PCDH15: variants seen among roughly 807,000 people sequenced by gnomAD.
PCDH15 encodes the protein protocadherin-15.
In PCDH15, 129 loss-of-function variants were observed where a neutral mutation model predicts 178.5. The ratio of observed to expected loss-of-function variants is 0.72; its 90% CI spans 0.63 to 0.84. The LOEUF is 0.84. PCDH15 is among the 40% of genes least tolerant of loss of function. The pLI is 0.00. For synonymous variants in PCDH15, 800 were observed against 732.0 expected, an observed-to-expected ratio of 1.09 and a Z score of -1.50; for missense variants, 2,230 against 2,099.9, an observed-to-expected ratio of 1.06 and a Z score of -1.21.
intron 2 of PCDH15, among the ~76,000 whole-genome samples, chr10:55,010,778 C>T (rs1444193798): frequency 6.8e-6 from 1 of 146,910 alleles, no homozygotes; most frequent in Non-Finnish European, 1.5e-5. Flanking sequence ...CCTGCATTTG[C>T]CATGCATAAA....
chr10:55,397,758 G>C (rs1023448314), intron 2 of PCDH15, among the ~76,000 whole-genome samples: 1 of 151,388 alleles, frequency 6.6e-6, no homozygotes. Context: ...GCTAATTTTT[G>C]TATTTCTAGT....
At chr10:53,965,208 C>T (rs907340234) in intron 21 of PCDH15, among the ~76,000 whole-genome samples, 5 of 151,984 alleles carry the variant, frequency 3.3e-5, no homozygotes, top group Non-Finnish European at 5.9e-5. Context: ...CACGAGCCCG[C>T]CACCATGCCC....
chr10:54,909,961 G>A lies in PCDH15; in HGVS notation c.-79-12461C>T, dbSNP rs141829502. Among the ~76,000 whole-genome samples the A allele has an allele frequency of 9.8e-3, 1,489 of 152,216 alleles. 19 individuals are homozygous for A. Among genetic ancestry groups the A allele is most frequent in the African/African-American group, 0.033 (1,365 of 41,530 alleles). The stretch of plus-strand genomic sequence containing the variant: ...TGGGGACTGTCCTTCTCTTCTCCCC[G>A]TTTTCCTGGTGGTGCCTTCAGCTGG... On this transcript the variant is annotated intron_variant, in intron 2 of 5. Coordinates refer to the PCDH15 transcript ENST00000458638.
chr10:55,243,022 G>C (rs887864121), intron 1 of PCDH15, among the ~76,000 whole-genome samples: 2 of 152,100 alleles, frequency 1.3e-5, no homozygotes, highest in African/African-American at 4.8e-5. Flanking sequence ...ATGGAATAGA[G>C]ACCTTACAGA....
chr10:55,332,217 C>G (rs1168192257), intron 2 of PCDH15, among the ~76,000 whole-genome samples: 1 of 151,908 alleles, frequency 6.6e-6, no homozygotes, highest in Non-Finnish European at 1.5e-5. Flanking sequence ...AGATATATGT[C>G]TTTTATATAA....
At chr10:54,357,854 A>C (rs1945290740) in intron 5 of PCDH15, among the ~76,000 whole-genome samples, 1 of 152,220 alleles carries the variant, frequency 6.6e-6, no homozygotes, top group East Asian at 1.9e-4. Flanking sequence ...CTCAGAAATA[A>C]CACCACATAT....
chr10:55,517,130 A>AT (rs1318089017), intron 2 of PCDH15, among the ~76,000 whole-genome samples: 14 of 152,102 alleles, frequency 9.2e-5, no homozygotes, highest in African/African-American at 3.4e-4. Context: ...AAAAAAAGTA[A>AT]TTTAACATGA....
At chr10:53,888,310 G>GTATA (rs1554845230) in intron 26 of PCDH15, among the ~76,000 whole-genome samples, 22 of 28,686 alleles carry the variant, frequency 7.7e-4, no homozygotes, top group South Asian at 1.8e-3. Flanking sequence ...ATATATATAT[G>GTATA]TATATATGTA....
Position 54,307,100 on chromosome 10 carries a change from GTGTGTATATATATATA to G in PCDH15, c.876+10155_876+10170del, listed in dbSNP as rs2060580811. 2.3e-3 allele frequency among the ~76,000 whole-genome samples: 36 copies of G among 15,526 alleles called. 2 individuals are homozygous for G. The highest frequency in any genetic ancestry group is 0.059 in the Middle Eastern group (2 of 34). 10.2% of individuals were successfully genotyped at this position (15,526 alleles called of 152,430 possible). Reference sequence around the variant, plus strand: ...TATATACATATATATATATGTGTGTGTGTGTATATATATATATATATATATATATATATATATATAT... The same window carrying G: ...TATATACATATATATATATGTGTGTGTATATATATATATATATATATATAT... On this transcript the variant is annotated intron_variant, in intron 8 of 37. Transcript: ENST00000644397.
At chr10:55,581,272 CTAAG>C (rs1028507435) in intron 2 of PCDH15, among the ~76,000 whole-genome samples, 24 of 151,726 alleles carry the variant, frequency 1.6e-4, no homozygotes, top group African/African-American at 4.6e-4. Flanking sequence ...AATTTTTGAA[CTAAG>C]TAATAGCAAA....
chr10:54,327,642 C>G (rs1468395132), intron 7 of PCDH15, among the ~76,000 whole-genome samples: 1 of 151,840 alleles, frequency 6.6e-6, no homozygotes, highest in African/African-American at 2.4e-5. Context: ...CTAAGAAAGG[C>G]AAGAAAATGA....
intron 2 of PCDH15, among the ~76,000 whole-genome samples, chr10:55,025,101 T>C (rs768299746): frequency 2.0e-5 from 3 of 152,288 alleles, no homozygotes; most frequent in Non-Finnish European, 4.4e-5. Context: ...ATGTCTCTTT[T>C]CATACATTAT....
chr10:55,264,159 T>G (rs1466275124), intron 1 of PCDH15, among the ~76,000 whole-genome samples: 1 of 152,140 alleles, frequency 6.6e-6, no homozygotes, highest in Non-Finnish European at 1.5e-5. Flanking sequence ...TGAGACACTC[T>G]AAATGGATAA....
intron 2 of PCDH15, among the ~76,000 whole-genome samples, chr10:55,022,856 G>A (rs985214908): frequency 2.3e-4 from 35 of 150,922 alleles, no homozygotes; most frequent in South Asian, 8.4e-4. Flanking sequence ...GACTACAGGC[G>A]CCCGCCACCA....
intron 3 of PCDH15, among the ~76,000 whole-genome samples, chr10:54,400,085 C>G (rs1008568858): frequency 2.6e-4 from 40 of 152,000 alleles, no homozygotes; most frequent in Admixed American, 2.6e-3. Flanking sequence ...GGGATGCCTA[C>G]AAAAGGATAT....
intron 30 of PCDH15, among the ~76,000 whole-genome samples, chr10:53,830,779 C>T (rs2076969009): frequency 6.6e-6 from 1 of 152,180 alleles, no homozygotes; most frequent in Non-Finnish European, 1.5e-5. Context: ...AAAACTCTGG[C>T]AAAGCACCCA....
intron 2 of PCDH15, among the ~76,000 whole-genome samples, chr10:55,147,831 C>A (rs2799598): frequency 0.51 from 76,995 of 151,160 alleles, 20,028 homozygotes; most frequent in East Asian, 0.61. Flanking sequence ...TCCTCTTCCT[C>A]CTTTTTCTCC....
intron 13 of PCDH15, among the ~76,000 whole-genome samples, chr10:54,169,608 C>G (rs970654027): frequency 6.7e-6 from 1 of 149,882 alleles, no homozygotes; most frequent in Non-Finnish European, 1.5e-5. Context: ...TCCAAAGCCT[C>G]CTTTGCATAC....
chr10:54,339,646 G>T (rs1489019911), intron 6 of PCDH15, among the ~76,000 whole-genome samples: 1 of 152,086 alleles, frequency 6.6e-6, no homozygotes, highest in Non-Finnish European at 1.5e-5. Flanking sequence ...ACTTGATCAG[G>T]CTTCTGAATC....
Sources: allele counts gnomAD v4.1 joint callset (sites outside exome capture counted in the v4.1 genomes callset), GRCh38; gene constraint gnomAD v4.1.1; transcripts MANE v1.5; gene names NCBI Gene and HGNC (gene_info 2026-07-23, HGNC 2026-07-21).